The following CNTNAP3 variants were observed in gnomAD, a reference collection of about 807,000 sequenced individuals.
CNTNAP3 encodes the protein contactin-associated protein-like 3.
A neutral mutation model predicts 92.1 loss-of-function variants in CNTNAP3; 36 were observed. The observed-to-expected ratio is 0.39, with a 90% CI of 0.30 to 0.52. The LOEUF (loss-of-function observed/expected upper bound fraction) is 0.52. Among genes scored for constraint, CNTNAP3 ranks in the 20% least tolerant of loss-of-function variants. The pLI is 0.76. For synonymous variants in CNTNAP3, 232 were observed against 422.3 expected (o/e 0.55, Z 5.53); for missense variants, 534 against 1,069.6 (o/e 0.50, Z 6.98).
In CNTNAP3 at chr9:39,254,264, C is replaced by T. The variant is rs1432334664; in HGVS notation, c.196+12632G>A. Among the ~76,000 whole-genome samples the T allele has an allele frequency of 3.0e-4, 5 of 16,474 alleles. 2 individuals are homozygous for T. The highest frequency in any genetic ancestry group is 4.4e-4 in the African/African-American group (3 of 6,802). 10.8% of individuals were successfully genotyped at this position (16,474 alleles called of 152,430 possible). The stretch of plus-strand genomic sequence containing the variant: ...ACAGGCATGTAATACATAATAATCA[C>T]ATCATAGAGACTGGGGTATCTGACT... On this transcript the variant is annotated intron_variant, in intron 2 of 23. Transcript: ENST00000297668.
intron 12 of CNTNAP3, among the ~76,000 whole-genome samples, chr9:39,136,154 TAATAATAATAAA>T (rs1262509377): frequency 2.1e-5 from 3 of 144,022 alleles, no homozygotes; most frequent in East Asian, 2.4e-4. Flanking sequence ...ATAATAATAA[TAATAATAATAAA>T]AATAATAGTT....
At chr9:39,149,389 G>A (rs1821785146) in intron 10 of CNTNAP3, among the ~76,000 whole-genome samples, 2 of 151,322 alleles carry the variant, frequency 1.3e-5, no homozygotes, top group South Asian at 2.1e-4. Context: ...TCGCTCTGTC[G>A]CCCAGGCTGG....
intron 10 of CNTNAP3, among the ~76,000 whole-genome samples, chr9:39,145,051 G>A (rs1821666913): frequency 7.1e-6 from 1 of 140,368 alleles, no homozygotes; most frequent in Non-Finnish European, 1.6e-5. Flanking sequence ...AAGAACAGTT[G>A]GAGGTCTCAC....
At chr9:39,095,926 GA>G (rs906980697) in intron 18 of CNTNAP3, among the ~76,000 whole-genome samples, 46 of 148,980 alleles carry the variant, frequency 3.1e-4, no homozygotes, top group African/African-American at 9.6e-4. Context: ...AAAAATCTGA[GA>G]AAAAAAAAGA....
intron 13 of CNTNAP3, among the ~76,000 whole-genome samples, chr9:39,131,689 G>A (rs1480549646): frequency 6.6e-6 from 1 of 152,252 alleles, no homozygotes; most frequent in African/African-American, 2.4e-5. Flanking sequence ...AGCCGGGCAT[G>A]GCGGCACCCG....
At position 39,093,380 on chromosome 9, in the gene CNTNAP3, A is replaced by G. The variant is rs191676322; in HGVS notation, c.2996-4733T>C. Among the ~76,000 whole-genome samples, 484 of 141,740 alleles carry G rather than the reference A, an allele frequency of 3.4e-3. 2 individuals carry two copies. Among genetic ancestry groups the G allele is most frequent in the Middle Eastern group, 0.014 (4 of 288 alleles). The allele number at this position is 141,740 out of a possible 152,430, so 93.0% of individuals were successfully genotyped here. A position where few individuals can be genotyped will look rare whatever the true frequency, so the allele number is the denominator to read the frequency against. Reference sequence around the variant, plus strand: ...TTCACTATACTTTGGGGTAAAATATATAAATATATAATTTGCCACTTAACC... The same window carrying G: ...TTCACTATACTTTGGGGTAAAATATGTAAATATATAATTTGCCACTTAACC... On this transcript the variant is annotated intron_variant, in intron 18 of 23. Transcript: ENST00000297668.
chr9:39,129,980 T>TA (rs1197925976), intron 13 of CNTNAP3, among the ~76,000 whole-genome samples: 4 of 152,140 alleles, frequency 2.6e-5, no homozygotes, highest in Non-Finnish European at 4.4e-5. Context: ...ATAGCTTAAA[T>TA]AAAAAATAGT....
At chr9:39,112,376 T>G (rs550783627) in intron 14 of CNTNAP3, among the ~76,000 whole-genome samples, 194 of 152,142 alleles carry the variant, frequency 1.3e-3, no homozygotes, top group African/African-American at 4.5e-3. Context: ...ACTTTTTTTT[T>G]TTCTTTGAGA....
chr9:39,184,044 CCTT>C (rs1323525091), intron 4 of CNTNAP3, among the ~76,000 whole-genome samples: 1 of 146,318 alleles, frequency 6.8e-6, no homozygotes, highest in South Asian at 2.1e-4. Context: ...TGTCTGCGTT[CCTT>C]CTTAAGTGTA....
intron 13 of CNTNAP3, among the ~76,000 whole-genome samples, chr9:39,122,749 A>G (rs1321305738): frequency 6.6e-6 from 1 of 152,238 alleles, no homozygotes; most frequent in African/African-American, 2.4e-5. Flanking sequence ...TATGAGACAA[A>G]TCAAGCAAAC....
chr9:39,124,374 A>G (rs1821107939), intron 13 of CNTNAP3, among the ~76,000 whole-genome samples: 2 of 152,148 alleles, frequency 1.3e-5, no homozygotes, highest in Admixed American at 1.3e-4. Flanking sequence ...GGAAAAAAAG[A>G]AGAAACAAGG....
intron 13 of CNTNAP3, among the ~76,000 whole-genome samples, chr9:39,124,198 A>T (rs908125393): frequency 1.3e-5 from 2 of 152,158 alleles, no homozygotes; most frequent in Admixed American, 1.3e-4. Flanking sequence ...CCATTAATGA[A>T]GTGGAATAGT....
intron 21 of CNTNAP3, among the ~76,000 whole-genome samples, chr9:39,082,461 G>GA (rs55860248): frequency 0.071 from 10,611 of 150,062 alleles, 745 homozygotes; most frequent in African/African-American, 0.18. Context: ...CTCTTTCTTG[G>GA]AAAAAAAAAC....
Position 39,155,578 on chromosome 9 carries a change from A to C in CNTNAP3, c.1478-5601T>G, listed in dbSNP as rs191647166. On this transcript the variant is annotated intron_variant, in intron 9 of 23. Transcript: ENST00000297668. ...AAAGGTCACAGCCTCCATGGCTGTT[A>C]GATACTGAGACTCTTGGAAGGACCT... The C allele has an allele frequency of 1.7e-4, 26 of 150,722 alleles. No homozygotes were observed. The East Asian group carries it at 4.8e-3, about 28-fold the overall frequency. 9.3% of individuals were successfully genotyped at this position (150,722 alleles called of 1,614,324 possible). A position where few individuals can be genotyped will look rare whatever the true frequency, so the allele number is the denominator to read the frequency against.
chr9:39,087,892 C>A (rs1481633628), intron 19 of CNTNAP3, among the ~76,000 whole-genome samples: 1 of 152,124 alleles, frequency 6.6e-6, no homozygotes, highest in East Asian at 1.9e-4. Context: ...CCTTGCAATG[C>A]CCCAACTACC....
intron 21 of CNTNAP3, 133 bp from the exon 22 acceptor site, chr9:39,079,053 C>T: frequency 7.1e-7 from 1 of 1,404,028 alleles, no homozygotes; most frequent in Non-Finnish European, 9.7e-7. Flanking sequence ...CTCGTTCCTT[C>T]ACTCCAGGAG....
chr9:39,145,963 A>G (rs1821688274), intron 10 of CNTNAP3, among the ~76,000 whole-genome samples: 1 of 147,606 alleles, frequency 6.8e-6, no homozygotes, highest in African/African-American at 2.5e-5. Context: ...ATCATACCTG[A>G]CTTGAAGATT....
chr9:39,075,695 G>A (rs1180086075), intron 23 of CNTNAP3, among the ~76,000 whole-genome samples: 1 of 152,240 alleles, frequency 6.6e-6, no homozygotes, highest in African/African-American at 2.4e-5. Flanking sequence ...ATCTTCCCAC[G>A]GTTTCTTGCC....
intron 20 of CNTNAP3, 162 bp downstream of exon 20, chr9:39,086,554 C>A (rs1187259432): frequency 2.7e-5 from 24 of 884,596 alleles, no homozygotes; most frequent in Non-Finnish European, 4.0e-5. Flanking sequence ...ACAACCACCT[C>A]CTCTCTCCCA....
Sources: allele counts gnomAD v4.1 joint callset (sites outside exome capture counted in the v4.1 genomes callset), GRCh38; gene constraint gnomAD v4.1.1; transcripts MANE v1.5; gene names NCBI Gene and HGNC (gene_info 2026-07-23, HGNC 2026-07-21).